Variants in RANBP17 observed in about 807,000 individuals in gnomAD.
RANBP17 encodes RAN binding protein 17.
A neutral mutation model predicts 141.2 loss-of-function variants in RANBP17; 158 were observed. The ratio of observed to expected loss-of-function variants is 1.12; its 90% CI spans 0.98 to 1.28. The LOEUF is 1.28. Ranked by LOEUF, RANBP17 falls within the 50% of genes most tolerant of loss-of-function variation. RANBP17 has a pLI of 0.00. For missense variants in RANBP17, 1,438 were observed against 1,290.7 expected, an observed-to-expected ratio of 1.11 and a Z score of -1.75; for synonymous variants, 430 against 450.0, an observed-to-expected ratio of 0.96 and a Z score of 0.56.
chr5:170,985,087 A>G (rs1778054170), intron 14 of RANBP17, among the ~76,000 whole-genome samples: 1 of 151,620 alleles, frequency 6.6e-6, no homozygotes, highest in Non-Finnish European at 1.5e-5. Context: ...AGGCACACAC[A>G]CACGCAGAAC....
chr5:171,298,900 G>T lies in RANBP17; in HGVS notation c.*42G>T. 6.7e-7 allele frequency: 1 copy of T among 1,483,474 alleles called. No individual in the cohort carries two copies. Among genetic ancestry groups the T allele is most frequent in the South Asian group, 1.1e-5 (1 of 87,834 alleles). 91.9% of individuals were successfully genotyped at this position (1,483,474 alleles called of 1,614,324 possible). On this transcript the variant is annotated 3_prime_UTR_variant, in exon 28 of 28. Coordinates refer to ENST00000523189, the MANE Select transcript of RANBP17 (RefSeq NM_022897.5). Reference sequence around the variant, plus strand: ...ATGTGCGGAGCAGCCTTTATCAAGAGACTCCTGAAGGTCTGGGTCTCAGGA... The same window carrying T: ...ATGTGCGGAGCAGCCTTTATCAAGATACTCCTGAAGGTCTGGGTCTCAGGA...
At chr5:170,895,478 A>G (rs1770036959) in intron 4 of RANBP17, among the ~76,000 whole-genome samples, 1 of 152,212 alleles carries the variant, frequency 6.6e-6, no homozygotes, top group African/African-American at 2.4e-5. Context: ...TATTTATCTC[A>G]TTGCATTGTG....
chr5:171,241,198 C>G, intron 23 of RANBP17, 56 bp downstream of exon 23: 1 of 1,308,494 alleles, frequency 7.6e-7, no homozygotes, highest in Non-Finnish European at 1.1e-6. Flanking sequence ...AACACCACCA[C>G]AGGCCTGGAA....
chr5:171,134,988 G>A (rs917185048), intron 14 of RANBP17, among the ~76,000 whole-genome samples: 1 of 150,710 alleles, frequency 6.6e-6, no homozygotes, highest in Non-Finnish European at 1.5e-5. Context: ...AAAGTTTAAG[G>A]CTGGGCATGG....
intron 1 of RANBP17, among the ~76,000 whole-genome samples, chr5:170,875,532 C>T (rs1768106637): frequency 1.3e-5 from 2 of 152,132 alleles, no homozygotes; most frequent in African/African-American, 2.4e-5. Flanking sequence ...TCTTTTTTCT[C>T]TCCTGCCTTA....
chr5:171,142,041 C>T (rs978913777), intron 14 of RANBP17, among the ~76,000 whole-genome samples: 1 of 152,138 alleles, frequency 6.6e-6, no homozygotes, highest in Non-Finnish European at 1.5e-5. Context: ...CCAGCAGATA[C>T]AGATTGCTTG....
rs561694773 is a variant in RANBP17, at chr5:171,009,783, G to A, written c.1710+41406G>A. Among the ~76,000 whole-genome samples the A allele has an allele frequency of 7.9e-5, 12 of 152,226 alleles. No individual in the cohort carries two copies. The South Asian group carries it at 2.5e-3, about 32-fold the overall frequency. On this transcript the variant is annotated intron_variant, in intron 14 of 27. Transcript: ENST00000523189. ...ACTTGTATCAAGTAACCATCTTGCT[G>A]ATAACAATTATAACCTCTGGACAAA...
chr5:171,022,641 G>A (rs186322472), intron 14 of RANBP17, among the ~76,000 whole-genome samples: 22 of 152,326 alleles, frequency 1.4e-4, no homozygotes, highest in African/African-American at 5.3e-4. Context: ...AGCCTCCCTG[G>A]TCCCAGGAGG....
chr5:171,219,214 T>C (rs555260351), intron 21 of RANBP17, among the ~76,000 whole-genome samples: 3 of 152,326 alleles, frequency 2.0e-5, no homozygotes, highest in South Asian at 4.1e-4. Context: ...TGTTGAATAT[T>C]GGCCCCCACT....
At chr5:171,276,324 A>G (rs990347904) in intron 25 of RANBP17, among the ~76,000 whole-genome samples, 4 of 152,258 alleles carry the variant, frequency 2.6e-5, no homozygotes, top group African/African-American at 9.6e-5. Context: ...GGGTAATTAA[A>G]TGAAAACAGA....
intron 14 of RANBP17, among the ~76,000 whole-genome samples, chr5:171,152,035 TAGAA>T: frequency 6.6e-6 from 1 of 151,636 alleles, no homozygotes; most frequent in Non-Finnish European, 1.5e-5. Flanking sequence ...AATAAATAAT[TAGAA>T]AGTGAGAAAC....
rs183523582 is a variant in RANBP17 at position 170,956,632 on chromosome 5, C to T, written c.1574+2930C>T. Among the ~76,000 whole-genome samples the T allele has an allele frequency of 1.7e-3, 263 of 151,846 alleles. 8 individuals are homozygous for T. In the East Asian group the frequency reaches 0.039, roughly 23 times the overall value. ...CGCCTGGCTAATTTTGTATTTTTAG[C>T]AGAGATGGGGTTTCTCCATGTTGGT... On this transcript the variant is annotated intron_variant, in intron 13 of 27. Transcript: ENST00000523189.
chr5:171,184,767 G>A (rs1581813193), intron 18 of RANBP17, among the ~76,000 whole-genome samples: 1 of 152,228 alleles, frequency 6.6e-6, no homozygotes, highest in South Asian at 2.1e-4. Flanking sequence ...AAGTCACACC[G>A]TTTTTGTTTT....
intron 25 of RANBP17, among the ~76,000 whole-genome samples, chr5:171,283,048 C>G (rs1483045841): frequency 1.3e-5 from 2 of 152,052 alleles, no homozygotes; most frequent in African/African-American, 4.8e-5. Context: ...TTTGCACCTG[C>G]TTGCCCTTCT....
intron 20 of RANBP17, among the ~76,000 whole-genome samples, chr5:171,213,347 A>G (rs1763021089): frequency 6.6e-6 from 1 of 152,178 alleles, no homozygotes; most frequent in African/African-American, 2.4e-5. Flanking sequence ...TACTTTAAAA[A>G]TGTGTATTTT....
chr5:171,284,308 C>CATTTT (rs1347132904), intron 25 of RANBP17, among the ~76,000 whole-genome samples: 13 of 151,796 alleles, frequency 8.6e-5, no homozygotes, highest in Admixed American at 6.6e-5. Flanking sequence ...CTTTTTATTT[C>CATTTT]ATTTTATTTT....
At chr5:171,139,150 G>A (rs1277226425) in intron 14 of RANBP17, among the ~76,000 whole-genome samples, 4 of 151,982 alleles carry the variant, frequency 2.6e-5, no homozygotes, top group African/African-American at 9.7e-5. Flanking sequence ...CAATTTACAA[G>A]TAAAATTATT....
At chr5:171,055,531 TG>T (rs1192793187) in intron 14 of RANBP17, among the ~76,000 whole-genome samples, 1 of 152,164 alleles carries the variant, frequency 6.6e-6, no homozygotes, top group East Asian at 1.9e-4. Flanking sequence ...CTTTTTAAAT[TG>T]GCTTTGATGG....
chr5:170,887,883 G>T (rs926033334), intron 3 of RANBP17, among the ~76,000 whole-genome samples: 6 of 152,138 alleles, frequency 3.9e-5, no homozygotes, highest in Admixed American at 3.3e-4. Flanking sequence ...CTTTTTAAAG[G>T]ACCTACTCCT....
Sources: gnomAD v4.1 joint callset for allele counts (sites outside exome capture counted in the v4.1 genomes callset) on GRCh38, gnomAD v4.1.1 for gene constraint, MANE v1.5 for transcripts, NCBI Gene and HGNC (gene_info 2026-07-23, HGNC 2026-07-21) for gene names.